EPHB1: variants seen among roughly 807,000 people sequenced by gnomAD.
EPHB1 encodes the protein EPH receptor B1.
A neutral mutation model predicts 94.4 loss-of-function variants in EPHB1; 30 were observed. The observed-to-expected ratio is 0.32, with a 90% CI of 0.24 to 0.43. The LOEUF (loss-of-function observed/expected upper bound fraction) is 0.43, where lower values mean the gene tolerates loss of function less well. Ranked by LOEUF, EPHB1 falls within the 20% of genes least tolerant of loss-of-function variation. The pLI is 1.00. For synonymous variants in EPHB1, 522 were observed against 489.1 expected, an observed-to-expected ratio of 1.07 and a Z score of -0.89; for missense variants, 1,055 against 1,308.3, an observed-to-expected ratio of 0.81 and a Z score of 2.99.
intron 3 of EPHB1, among the ~76,000 whole-genome samples, chr3:135,096,620 G>A (rs552864885): frequency 3.9e-5 from 6 of 152,318 alleles, no homozygotes; most frequent in Non-Finnish European, 7.3e-5. Context: ...AGATCAATGT[G>A]CCAGAAGATC....
chr3:135,055,743 T>C (rs747401843), intron 3 of EPHB1, among the ~76,000 whole-genome samples: 12 of 152,148 alleles, frequency 7.9e-5, no homozygotes, highest in Admixed American at 2.0e-4. Flanking sequence ...GTCACACGTG[T>C]CAAGTCGCAA....
intron 11 of EPHB1, among the ~76,000 whole-genome samples, chr3:135,196,239 T>C (rs1421831885): frequency 6.6e-6 from 1 of 152,160 alleles, no homozygotes; most frequent in Non-Finnish European, 1.5e-5. Flanking sequence ...ATATTAGCCC[T>C]TTGTCAGATG....
chr3:135,219,877 G>T (rs1027052947), intron 12 of EPHB1, among the ~76,000 whole-genome samples: 1 of 152,186 alleles, frequency 6.6e-6, no homozygotes, highest in Non-Finnish European at 1.5e-5. Context: ...TAGGGCTCCA[G>T]AATGTTGTAG....
intron 1 of EPHB1, among the ~76,000 whole-genome samples, chr3:134,858,467 TG>T (rs2037173334): frequency 6.6e-6 from 1 of 152,270 alleles, no homozygotes; most frequent in South Asian, 2.1e-4. Context: ...GTCTCATTGA[TG>T]GCTGGCATGT....
chr3:135,012,828 A>G (rs7609865), intron 3 of EPHB1, among the ~76,000 whole-genome samples: 4,628 of 152,292 alleles, frequency 0.03, 231 homozygotes, highest in African/African-American at 0.1. Context: ...TGCAAAGGCT[A>G]TTTTATTGGC....
At chr3:135,217,732 A>G (rs1053784047) in intron 12 of EPHB1, among the ~76,000 whole-genome samples, 1 of 152,162 alleles carries the variant, frequency 6.6e-6, no homozygotes, top group African/African-American at 2.4e-5. Context: ...TTTTTTAATA[A>G]TGCACTTAGT....
rs1440394101 is a variant in EPHB1, at chr3:135,217,474, G to A, written c.2346+15785G>A. The stretch of plus-strand genomic sequence containing the variant: ...CACACACACACACACACACGCACAC[G>A]GGGAGAGAGAGAGAGAGAGATGTGT... On this transcript the variant is annotated intron_variant, in intron 12 of 15. Transcript: ENST00000398015. Among the ~76,000 whole-genome samples the A allele has an allele frequency of 6.8e-5, 10 of 146,180 alleles. No homozygotes were observed. In the South Asian group the frequency reaches 8.8e-4, roughly 13 times the overall value.
chr3:135,220,438 T>C (rs1943248831), intron 12 of EPHB1, among the ~76,000 whole-genome samples: 1 of 152,182 alleles, frequency 6.6e-6, no homozygotes, highest in East Asian at 1.9e-4. Context: ...AAGATCCATG[T>C]CGACTTCTAA....
chr3:135,069,289 G>A (rs1404199258), intron 3 of EPHB1, among the ~76,000 whole-genome samples: 1 of 151,944 alleles, frequency 6.6e-6, no homozygotes, highest in Non-Finnish European at 1.5e-5. Flanking sequence ...TCTGAGTTGG[G>A]TCAAATCAAA....
intron 1 of EPHB1, among the ~76,000 whole-genome samples, chr3:134,854,393 A>G (rs901637931): frequency 4.6e-5 from 7 of 152,030 alleles, no homozygotes; most frequent in Admixed American, 6.5e-5. Flanking sequence ...ATTAAGTCAG[A>G]CCCACCATGA....
chr3:134,868,188 A>G (rs189253362), intron 1 of EPHB1, among the ~76,000 whole-genome samples: 1 of 152,202 alleles, frequency 6.6e-6, no homozygotes, highest in Non-Finnish European at 1.5e-5. Context: ...GCTACTTAAG[A>G]TCTCTGGTTG....
chr3:135,190,178 G>T (rs563922387), intron 10 of EPHB1, among the ~76,000 whole-genome samples: 1 of 152,246 alleles, frequency 6.6e-6, no homozygotes, highest in South Asian at 2.1e-4. Flanking sequence ...TATTTAAATG[G>T]CCATAGTAAT....
At chr3:135,170,569 T>G (rs1458214395) in intron 9 of EPHB1, among the ~76,000 whole-genome samples, 5 of 152,000 alleles carry the variant, frequency 3.3e-5, no homozygotes, top group African/African-American at 1.2e-4. Context: ...TTCTCATGGT[T>G]TTTGTGGGCC....
chr3:134,810,693 A>G (rs2036154697), intron 1 of EPHB1, among the ~76,000 whole-genome samples: 1 of 152,210 alleles, frequency 6.6e-6, no homozygotes, highest in Non-Finnish European at 1.5e-5. Flanking sequence ...AGTTGTCTTC[A>G]TTACTTACAC....
chr3:135,095,091 A>G lies in EPHB1; in HGVS notation c.806-11357A>G, dbSNP rs758621866. 5.3e-5 allele frequency among the ~76,000 whole-genome samples: 8 copies of G among 152,266 alleles called. No homozygotes were observed. In the South Asian group the frequency reaches 1.7e-3, roughly 32 times the overall value. On this transcript the variant is annotated intron_variant, in intron 3 of 15. Coordinates refer to ENST00000398015, the MANE Select transcript of EPHB1 (RefSeq NM_004441.5). ...GACTCTCACCTTCTCTGCTCTGGAC[A>G]CTTCATACTGCCACTCCCAATATTC... is the stretch of plus-strand genomic sequence containing the variant.
At chr3:134,802,846 C>G (rs1386627723) in intron 1 of EPHB1, among the ~76,000 whole-genome samples, 1 of 152,228 alleles carries the variant, frequency 6.6e-6, no homozygotes, top group Non-Finnish European at 1.5e-5. Context: ...CACTCTCCAG[C>G]AAGCATGGAG....
chr3:135,174,290 T>G (rs1409673326), intron 9 of EPHB1, among the ~76,000 whole-genome samples: 1 of 152,178 alleles, frequency 6.6e-6, no homozygotes, highest in East Asian at 1.9e-4. Flanking sequence ...TGACTATCAC[T>G]GATTCCCTCC....
intron 3 of EPHB1, among the ~76,000 whole-genome samples, chr3:135,044,981 G>A (rs1043243987): frequency 1.3e-5 from 2 of 152,172 alleles, no homozygotes; most frequent in Admixed American, 6.5e-5. Context: ...GATAGGTTCC[G>A]GAGATGCCTG....
At chr3:135,131,829 G>T (rs564161124) in intron 4 of EPHB1, among the ~76,000 whole-genome samples, 148 of 152,286 alleles carry the variant, frequency 9.7e-4, no homozygotes, top group Admixed American at 2.8e-3. Flanking sequence ...GTAAGAGAAG[G>T]TCTGTTCAGA....
Sources: gnomAD v4.1 joint callset for allele counts (sites outside exome capture counted in the v4.1 genomes callset) on GRCh38, gnomAD v4.1.1 for gene constraint, MANE v1.5 for transcripts, NCBI Gene and HGNC (gene_info 2026-07-23, HGNC 2026-07-21) for gene names.